The following SOX6 variants were observed in gnomAD, a reference collection of about 807,000 sequenced individuals.
SOX6 encodes the protein SRY-box transcription factor 6, also known as transcription factor SOX-6.
Under a neutral mutation model 97.8 loss-of-function variants are expected in SOX6, and 11 were observed. That is an observed-to-expected ratio of 0.11 (90% CI 0.07 to 0.19). The LOEUF is 0.19. Among genes scored for constraint, SOX6 ranks in the 10% least tolerant of loss-of-function variants. SOX6 has a pLI of 1.00. For missense variants in SOX6, 810 were observed against 1,039.5 expected, an observed-to-expected ratio of 0.78 and a Z score of 3.04; for synonymous variants, 360 against 371.4, an observed-to-expected ratio of 0.97 and a Z score of 0.35.
chr11:16,161,074 G>A (rs1163807778), intron 6 of SOX6, among the ~76,000 whole-genome samples: 1 of 151,932 alleles, frequency 6.6e-6, no homozygotes, highest in Non-Finnish European at 1.5e-5. Flanking sequence ...AGTGGGGGAG[G>A]GTGATATGGA....
intron 1 of SOX6, among the ~76,000 whole-genome samples, chr11:16,373,270 T>G (rs191447591): frequency 5.9e-5 from 9 of 152,194 alleles, no homozygotes; most frequent in Admixed American, 5.9e-4. Context: ...CAGTTCTATA[T>G]GTCTACAAAA....
intron 3 of SOX6, among the ~76,000 whole-genome samples, chr11:16,695,313 T>A (rs763557868): frequency 5.3e-5 from 8 of 152,168 alleles, no homozygotes; most frequent in African/African-American, 1.2e-4. Flanking sequence ...TAAAATTCTA[T>A]CCAACACAAA....
chr11:16,641,085 GTCCCAGAGAT>G (rs1848904873), intron 3 of SOX6, among the ~76,000 whole-genome samples: 1 of 152,292 alleles, frequency 6.6e-6, no homozygotes, highest in East Asian at 1.9e-4. Context: ...CTTTAAATGT[GTCCCAGAGAT>G]TCTGGTATGC....
At chr11:16,481,535 G>A (rs1860343741) in intron 4 of SOX6, among the ~76,000 whole-genome samples, 1 of 152,118 alleles carries the variant, frequency 6.6e-6, no homozygotes, top group Admixed American at 6.5e-5. Flanking sequence ...TATTATTGAA[G>A]CTACCTCATA....
intron 3 of SOX6, among the ~76,000 whole-genome samples, chr11:16,251,479 T>TGAA (rs3059117): frequency 0.78 from 118,537 of 151,672 alleles, 46,459 homozygotes; most frequent in Non-Finnish European, 0.8. Flanking sequence ...GAGAATAGTA[T>TGAA]GAAGATTATG....
chr11:16,409,157 G>A (rs1858743819), intron 1 of SOX6, among the ~76,000 whole-genome samples: 1 of 151,886 alleles, frequency 6.6e-6, no homozygotes. Context: ...CCATAGGCCT[G>A]CCAAAAAGTA....
At chr11:16,677,333 A>C (rs534725025) in intron 3 of SOX6, among the ~76,000 whole-genome samples, 1 of 152,290 alleles carries the variant, frequency 6.6e-6, no homozygotes, top group African/African-American at 2.4e-5. Flanking sequence ...TTAAAGTGTT[A>C]CAAAGTTATT....
intron 15 of SOX6, among the ~76,000 whole-genome samples, chr11:15,973,820 C>T (rs572590945): frequency 1.6e-4 from 25 of 152,120 alleles, no homozygotes; most frequent in Non-Finnish European, 2.9e-4. Flanking sequence ...ACACCAGATA[C>T]GCTGCCTCAC....
chr11:16,584,485 T>C (rs1365519535), intron 4 of SOX6, among the ~76,000 whole-genome samples: 1 of 152,194 alleles, frequency 6.6e-6, no homozygotes, highest in African/African-American at 2.4e-5. Flanking sequence ...GCATATCATC[T>C]ATCCGTTTAG....
At chr11:16,533,054 C>T (rs1861259529) in intron 4 of SOX6, among the ~76,000 whole-genome samples, 1 of 151,780 alleles carries the variant, frequency 6.6e-6, no homozygotes, top group Admixed American at 6.6e-5. Context: ...AATGAAATCA[C>T]TAAATTAAAA....
chr11:16,711,418 G>C (rs1002609859), intron 3 of SOX6, among the ~76,000 whole-genome samples: 3 of 107,806 alleles, frequency 2.8e-5, no homozygotes, highest in African/African-American at 5.4e-5. Flanking sequence ...CAGCTACTGG[G>C]GGGTGGAGAT....
At chr11:16,635,243 T>C (rs548694125) in intron 3 of SOX6, among the ~76,000 whole-genome samples, 1 of 152,308 alleles carries the variant, frequency 6.6e-6, no homozygotes, top group African/African-American at 2.4e-5. Context: ...TAGGAAAATG[T>C]GAGAAACTCT....
intron 3 of SOX6, among the ~76,000 whole-genome samples, chr11:16,712,019 C>A (rs1250564647): frequency 6.6e-6 from 1 of 151,970 alleles, no homozygotes; most frequent in African/African-American, 2.4e-5. Flanking sequence ...TCTCCAATCT[C>A]AGCCAGGTCA....
chr11:16,642,902 C>T (rs1427712757), intron 3 of SOX6, among the ~76,000 whole-genome samples: 1 of 152,198 alleles, frequency 6.6e-6, no homozygotes, highest in Non-Finnish European at 1.5e-5. Context: ...CTGAAGCCTT[C>T]TTCTCTGAAC....
chr11:16,036,358 T>C (rs1192601574), intron 12 of SOX6, among the ~76,000 whole-genome samples: 1 of 152,134 alleles, frequency 6.6e-6, no homozygotes, highest in Non-Finnish European at 1.5e-5. Context: ...GAATTACAGG[T>C]GTGAGCCACT....
intron 12 of SOX6, among the ~76,000 whole-genome samples, chr11:16,022,753 G>C (rs1855106030): frequency 6.6e-6 from 1 of 152,088 alleles, no homozygotes; most frequent in Non-Finnish European, 1.5e-5. Context: ...TAACTCAGAA[G>C]TAACTTTAAA....
intron 6 of SOX6, among the ~76,000 whole-genome samples, chr11:16,154,679 G>A (rs1172397641): frequency 6.6e-6 from 1 of 151,886 alleles, no homozygotes; most frequent in Non-Finnish European, 1.5e-5. Flanking sequence ...GCAACTTTTT[G>A]TCTTTACATA....
intron 3 of SOX6, among the ~76,000 whole-genome samples, chr11:16,235,089 TAATC>T (rs746911619): frequency 1.1e-4 from 16 of 152,030 alleles, no homozygotes; most frequent in Non-Finnish European, 2.1e-4. Flanking sequence ...CAATAACAGA[TAATC>T]AAGAGAGAAG....
intron 6 of SOX6, among the ~76,000 whole-genome samples, chr11:16,139,331 T>C (rs1003707799): frequency 2.0e-5 from 3 of 152,212 alleles, no homozygotes; most frequent in Admixed American, 2.0e-4. Flanking sequence ...TCATTATTAC[T>C]ATGATGGTTG....
Sources: gnomAD v4.1 joint callset for allele counts (sites outside exome capture counted in the v4.1 genomes callset) on GRCh38, gnomAD v4.1.1 for gene constraint, MANE v1.5 for transcripts, NCBI Gene and HGNC (gene_info 2026-07-23, HGNC 2026-07-21) for gene names.